The following ERCC6 variants were observed in gnomAD, a reference collection of about 807,000 sequenced individuals.
ERCC6 encodes the protein DNA excision repair protein ERCC-6.
Under a neutral mutation model 158.7 loss-of-function variants are expected in ERCC6, and 116 were observed. The ratio of observed to expected loss-of-function variants is 0.73; its 90% CI spans 0.63 to 0.85. The LOEUF (loss-of-function observed/expected upper bound fraction) is 0.85, where lower values mean the gene tolerates loss of function less well. Among genes scored for constraint, ERCC6 ranks in the 40% least tolerant of loss-of-function variants. The pLI is 0.00. For synonymous variants in ERCC6, 678 were observed against 659.3 expected (o/e 1.03, Z -0.43); for missense variants, 1,698 against 1,799.4 (o/e 0.94, Z 1.02).
In ERCC6 at chr10:49,534,673, T is replaced by C. The variant is rs1464217946; in HGVS notation, c.-14-1695A>G. ...AGGACCTGCTGCTTTAAGGAGAATA[T>C]ATTCACTATATTACCTATACAACTA... On this transcript the variant is annotated intron_variant, in intron 1 of 20. Coordinates refer to ENST00000355832, the MANE Select transcript of ERCC6 (RefSeq NM_000124.4). 2.0e-5 allele frequency among the ~76,000 whole-genome samples: 3 copies of C among 152,238 alleles called. No homozygotes were observed. The East Asian group carries it at 5.8e-4, about 29-fold the overall frequency.
rs746280615 is a variant in ERCC6, at chr10:49,500,664, T to A, written c.1559A>T (p.Glu520Val). ...TCCTCCTGCCTGCTGGCAGTGCAAT[T>A]CCCACAGCCACCTAACACCTGTCTG... Reference protein sequence around the residue: ...YQQTGVRWLWELHCQQAGGIL... With the variant: ...YQQTGVRWLWVLHCQQAGGIL... The change falls in exon 7 of 21, where the codon GAA (glutamate) becomes GTA (valine). Residue 520 changes from glutamate to valine, a missense_variant. Coordinates refer to ENST00000355832, the MANE Select transcript of ERCC6 (RefSeq NM_000124.4). 2.5e-6 allele frequency: 4 copies of A among 1,613,854 alleles called. No individual in the cohort carries two copies. The highest frequency in any genetic ancestry group is 3.4e-6 in the Non-Finnish European group (4 of 1,179,864).
chr10:49,442,256 CT>C, the ERCC6 span, among the ~76,000 whole-genome samples: 1 of 152,264 alleles, frequency 6.6e-6, no homozygotes, highest in Non-Finnish European at 1.5e-5. Context: ...CCCCCGCCCT[CT>C]CGCGCTCTCT....
Position 49,474,196 on chromosome 10 carries a change from T to C in ERCC6, c.2429A>G (p.Asp810Gly). Residue 810 changes from aspartate (D) to glycine (G), a missense_variant, in exon 13 of 21, where the codon GAT becomes GGT. Physicochemically the swap from Asp to Gly is moderately conservative, Grantham distance 94. Coordinates refer to ENST00000355832, the MANE Select transcript of ERCC6 (RefSeq NM_000124.4). ...IALRKICNHP[D>G]LFSGGPKNLK... is the part of the protein sequence containing the mutation. ...ATTCTTGGGACCTCCAGAAAAGAGA[T>C]CAGGGTGGTTGCAAATTTTTCTTAG... 1 of 1,614,146 alleles carries C rather than the reference T, an allele frequency of 6.2e-7. No individual in the cohort carries two copies.
In ERCC6 at chr10:49,455,610, T is replaced by C. The variant is rs2132520310; in HGVS notation, c.*3205A>G. On this transcript the variant is annotated 3_prime_UTR_variant, in exon 21 of 21. Transcript: ENST00000355832. The stretch of plus-strand genomic sequence containing the variant: ...TGTGATGAGTTGAAAGCTGACATTT[T>C]AAACTGGTGGAGAAAAGAATATTTG... 1 of 152,370 alleles carries C rather than the reference T, an allele frequency of 6.6e-6. No individual in the cohort carries two copies. The highest frequency in any genetic ancestry group is 3.4e-3 in the Middle Eastern group (1 of 294). The allele number at this position is 152,370 out of a possible 1,614,324, so 9.4% of individuals were successfully genotyped here.
chr10:49,515,206 GAAA>G lies in ERCC6; in HGVS notation c.1397+8824_1397+8826del, dbSNP rs1234629386. 8 of 1,309,774 alleles carry G rather than the reference GAAA, an allele frequency of 6.1e-6. No individual in the cohort carries two copies. The East Asian group carries it at 1.7e-4, about 28-fold the overall frequency. 81.1% of individuals were successfully genotyped at this position (1,309,774 alleles called of 1,614,324 possible). ...AATTCAAGGAACAAAAATTTGAAGA[GAAA>G]AAAAAATTTATTATGTTCCATTGTT... is the stretch of plus-strand genomic sequence containing the variant. On this transcript the variant is annotated intron_variant, in intron 5 of 20. Transcript: ENST00000355832.
chr10:49,478,507 T>A (rs377498675), intron 10 of ERCC6, 37 bp from the exon 11 acceptor site: 1 of 1,271,934 alleles, frequency 7.9e-7, no homozygotes, highest in South Asian at 1.2e-5. Flanking sequence ...TTACTATATA[T>A]GTTTAAGGAA....
At chr10:49,473,436 C>CA in intron 14 of ERCC6, 41 bp downstream of exon 14, 1 of 1,262,562 alleles carries the variant, frequency 7.9e-7, no homozygotes, top group Non-Finnish European at 1.2e-6. Context: ...CCTCCACGTA[C>CA]AGCAGCACCA....
At chr10:49,438,596 A>G in the ERCC6 span, among the ~76,000 whole-genome samples, 395 of 152,156 alleles carry the variant, frequency 2.6e-3, no homozygotes, top group African/African-American at 9.2e-3. Flanking sequence ...TCCAAATCTC[A>G]TGTCCTCACA....
chr10:49,470,496 T>A lies in ERCC6; in HGVS notation c.3464A>T (p.Tyr1155Phe). The change falls in exon 18 of 21, where the codon TAC becomes TTC. Residue 1155 changes from tyrosine (Y) to phenylalanine (F), a missense_variant. By Grantham distance (22) the Tyr-to-Phe change is conservative. Coordinates refer to ENST00000355832, the MANE Select transcript of ERCC6 (RefSeq NM_000124.4). ...AGCCTGGCTGGGTCTTTCTCTTTTGTAAGAAAGACCTAACTTTTCATCAAT... is the reference window on the plus strand; with the variant it reads ...AGCCTGGCTGGGTCTTTCTCTTTTGAAAGAAAGACCTAACTTTTCATCAAT... ...ESIDEKLGLS[Y>F]KRERPSQAQT... 2 of 1,614,206 alleles carry A rather than the reference T, an allele frequency of 1.2e-6. No individual in the cohort carries two copies. Among genetic ancestry groups the A allele is most frequent in the Non-Finnish European group, 1.7e-6 (2 of 1,180,020 alleles).
intron 3 of ERCC6, 142 bp from the exon 4 acceptor site, chr10:49,528,667 T>A: frequency 9.1e-7 from 1 of 1,095,654 alleles, no homozygotes; most frequent in Non-Finnish European, 1.3e-6. Context: ...CATACATTAC[T>A]ATTACTAGAG....
intron 5 of ERCC6, chr10:49,506,310 C>T: frequency 2.5e-6 from 1 of 401,144 alleles, no homozygotes; most frequent in Non-Finnish European, 4.5e-6. Flanking sequence ...GAAAATTTCT[C>T]TGCTGGTTCG....
Position 49,457,270 on chromosome 10 carries a change from T to A in ERCC6, c.*1545A>T, listed in dbSNP as rs1227851149. 1 of 152,182 alleles carries A rather than the reference T, an allele frequency of 6.6e-6. No individual in the cohort carries two copies. Among genetic ancestry groups the A allele is most frequent in the East Asian group, 1.9e-4 (1 of 5,200 alleles). 9.4% of individuals were successfully genotyped at this position (152,182 alleles called of 1,614,324 possible). A position where few individuals can be genotyped will look rare whatever the true frequency, so the allele number is the denominator to read the frequency against. Reference sequence around the variant, plus strand: ...TCTTTCTATGACTTCTAAACAATGATGGCAAAGTGACAAAAATAATGTAAT... The same window carrying A: ...TCTTTCTATGACTTCTAAACAATGAAGGCAAAGTGACAAAAATAATGTAAT... On this transcript the variant is annotated 3_prime_UTR_variant, in exon 21 of 21. Coordinates refer to ENST00000355832, the MANE Select transcript of ERCC6 (RefSeq NM_000124.4).
chr10:49,441,451 G>T, the ERCC6 span, among the ~76,000 whole-genome samples: 2 of 152,146 alleles, frequency 1.3e-5, no homozygotes, highest in Admixed American at 6.5e-5. Flanking sequence ...TCTAAAATGC[G>T]ATTGTTGTGA....
At chr10:49,437,333 AAT>A in the ERCC6 span, among the ~76,000 whole-genome samples, 7 of 152,178 alleles carry the variant, frequency 4.6e-5, no homozygotes, top group Non-Finnish European at 2.9e-5. Context: ...AGCTACATGC[AAT>A]AATGTGGATA....
intron 1 of ERCC6, among the ~76,000 whole-genome samples, chr10:49,535,786 G>C (rs1366429729): frequency 1.3e-5 from 2 of 149,772 alleles, no homozygotes; most frequent in Non-Finnish European, 3.0e-5. Context: ...ATGAGAAAAG[G>C]CTGAGTGAAT....
intron 5 of ERCC6, chr10:49,506,375 G>T: frequency 7.4e-6 from 2 of 271,850 alleles, no homozygotes; most frequent in Non-Finnish European, 1.4e-5. Flanking sequence ...ATATAATTGA[G>T]TGTCTTCACA....
chr10:49,440,912 C>T, the ERCC6 span, among the ~76,000 whole-genome samples: 2 of 152,088 alleles, frequency 1.3e-5, no homozygotes, highest in Non-Finnish European at 2.9e-5. Flanking sequence ...AGAGAAGAAC[C>T]CTGGAATGGG....
chr10:49,483,291 C>A, intron 9 of ERCC6, 55 bp downstream of exon 9: 2 of 1,551,612 alleles, frequency 1.3e-6, no homozygotes, highest in South Asian at 2.2e-5. Context: ...ATAGTTTATT[C>A]TGAATTAATT....
chr10:49,450,764 G>A (rs1850410551), downstream of ERCC6, among the ~76,000 whole-genome samples: 1 of 151,850 alleles, frequency 6.6e-6, no homozygotes, highest in African/African-American at 2.4e-5. Context: ...ATGCTATTAT[G>A]AATATTCTTA....
Sources: allele counts gnomAD v4.1 joint callset (sites outside exome capture counted in the v4.1 genomes callset), GRCh38; gene constraint gnomAD v4.1.1; transcripts MANE v1.5; gene names NCBI Gene and HGNC (gene_info 2026-07-23, HGNC 2026-07-21).